SCAPER: variants seen among roughly 807,000 people sequenced by gnomAD.
The protein encoded by SCAPER is S phase cyclin A-associated protein in the endoplasmic reticulum.
Under a neutral mutation model 182.2 loss-of-function variants are expected in SCAPER, and 98 were observed. The observed-to-expected ratio is 0.54, with a 90% CI of 0.46 to 0.64. SCAPER has a LOEUF of 0.64. Ranked by LOEUF, SCAPER falls within the 30% of genes least tolerant of loss-of-function variation. The pLI is 0.00. For synonymous variants in SCAPER, 605 were observed against 564.6 expected (o/e 1.07, Z -1.01); for missense variants, 1,432 against 1,690.0 (o/e 0.85, Z 2.68).
chr15:76,348,601 A>G lies in SCAPER; in HGVS notation c.*32T>C. The stretch of plus-strand genomic sequence containing the variant: ...GTTTGGACAATTTAAAATATTAACA[A>G]GGGTACTCAAATACAGAATCAACCA... On this transcript the variant is annotated 3_prime_UTR_variant, in exon 32 of 32. Transcript: ENST00000563290. 7.5e-7 allele frequency: 1 copy of G among 1,340,288 alleles called. No homozygotes were observed. The highest frequency in any genetic ancestry group is 1.0e-6 in the Non-Finnish European group (1 of 972,468). 83.0% of individuals were successfully genotyped at this position (1,340,288 alleles called of 1,614,324 possible).
At chr15:76,407,969 A>T (rs2957560) in intron 26 of SCAPER, among the ~76,000 whole-genome samples, 15,956 of 152,212 alleles carry the variant, frequency 0.1, 1,016 homozygotes, top group African/African-American at 0.18. Flanking sequence ...TCTAAAAAAA[A>T]TCACTTAAAA....
chr15:76,618,907 C>T (rs960469465), intron 22 of SCAPER, among the ~76,000 whole-genome samples: 5 of 152,282 alleles, frequency 3.3e-5, no homozygotes, highest in Middle Eastern at 3.4e-3. Context: ...TATAGTGGCA[C>T]GATCTCAGCT....
intron 21 of SCAPER, among the ~76,000 whole-genome samples, chr15:76,659,757 GC>G (rs145314130): frequency 0.067 from 10,179 of 152,256 alleles, 378 homozygotes; most frequent in Middle Eastern, 0.1. Context: ...AACAGGGAAT[GC>G]TTATATACTG....
At chr15:76,439,276 G>A (rs756069196) in intron 25 of SCAPER, among the ~76,000 whole-genome samples, 5 of 152,080 alleles carry the variant, frequency 3.3e-5, no homozygotes, top group South Asian at 2.1e-4. Context: ...ATAGGGTTTC[G>A]TCATGTTTGC....
At chr15:76,411,833 C>A (rs2142222883) in intron 26 of SCAPER, among the ~76,000 whole-genome samples, 1 of 152,174 alleles carries the variant, frequency 6.6e-6, no homozygotes, top group South Asian at 2.1e-4. Context: ...TGAAACAGTA[C>A]CTTGGTATGA....
chr15:76,377,641 C>T (rs1398846593), intron 28 of SCAPER, among the ~76,000 whole-genome samples: 3 of 152,194 alleles, frequency 2.0e-5, no homozygotes, highest in Non-Finnish European at 4.4e-5. Flanking sequence ...CTCAAGGCCA[C>T]CCATGCCAAT....
chr15:76,416,740 C>T (rs2045676288), intron 26 of SCAPER, among the ~76,000 whole-genome samples: 3 of 152,048 alleles, frequency 2.0e-5, no homozygotes, highest in Non-Finnish European at 2.9e-5. Context: ...AAAAGAAGAG[C>T]ATACAAAGAT....
At chr15:76,828,780 AT>A (rs1308064544) in intron 5 of SCAPER, among the ~76,000 whole-genome samples, 1 of 152,244 alleles carries the variant, frequency 6.6e-6, no homozygotes, top group African/African-American at 2.4e-5. Context: ...TTAGCCTTCT[AT>A]CCTTGTCCTG....
At chr15:76,572,146 A>T (rs2047474824) in intron 23 of SCAPER, among the ~76,000 whole-genome samples, 1 of 152,170 alleles carries the variant, frequency 6.6e-6, no homozygotes, top group Admixed American at 6.5e-5. Flanking sequence ...AAATAACTTT[A>T]GGTAAATTTT....
intron 8 of SCAPER, among the ~76,000 whole-genome samples, chr15:76,785,673 C>G (rs1254104676): frequency 3.3e-5 from 5 of 152,122 alleles, no homozygotes; most frequent in Non-Finnish European, 7.4e-5. Context: ...GTGGCACATA[C>G]ACACCACGGA....
intron 26 of SCAPER, among the ~76,000 whole-genome samples, chr15:76,425,484 T>A (rs1261543261): frequency 4.6e-5 from 7 of 152,214 alleles, no homozygotes; most frequent in Admixed American, 4.6e-4. Context: ...CTTAAGGACT[T>A]GTCTACATTG....
At chr15:76,535,132 T>C (rs2144622589) in intron 23 of SCAPER, among the ~76,000 whole-genome samples, 1 of 152,230 alleles carries the variant, frequency 6.6e-6, no homozygotes, top group Non-Finnish European at 1.5e-5. Flanking sequence ...TCTATAGAAA[T>C]GAATTTAACA....
intron 27 of SCAPER, among the ~76,000 whole-genome samples, chr15:76,395,983 T>TA (rs1428687754): frequency 3.9e-5 from 6 of 152,182 alleles, no homozygotes; most frequent in Non-Finnish European, 1.5e-5. Flanking sequence ...TTTGAGGTCT[T>TA]AAAGTCTTTA....
At chr15:76,358,502 T>C (rs770717256) in intron 29 of SCAPER, among the ~76,000 whole-genome samples, 19 of 152,242 alleles carry the variant, frequency 1.2e-4, no homozygotes, top group African/African-American at 1.9e-4. Context: ...GGAACCAGCA[T>C]GGTGGGGCTG....
At chr15:76,515,675 A>C (rs1042243048) in intron 23 of SCAPER, among the ~76,000 whole-genome samples, 2 of 152,134 alleles carry the variant, frequency 1.3e-5, no homozygotes, top group African/African-American at 4.8e-5. Flanking sequence ...TGATTTTTCT[A>C]TTTATTTGGT....
intron 27 of SCAPER, among the ~76,000 whole-genome samples, chr15:76,395,428 T>C (rs2043983072): frequency 6.6e-6 from 1 of 152,230 alleles, no homozygotes; most frequent in Admixed American, 6.5e-5. Context: ...TTCCAAACTG[T>C]TCTCCATAGT....
chr15:76,608,813 C>T (rs895534369), intron 22 of SCAPER, among the ~76,000 whole-genome samples: 1 of 152,170 alleles, frequency 6.6e-6, no homozygotes, highest in African/African-American at 2.4e-5. Context: ...TGGGGTAGGA[C>T]CCTCTGAGCC....
intron 22 of SCAPER, among the ~76,000 whole-genome samples, chr15:76,606,602 T>C (rs1480305292): frequency 7.3e-5 from 11 of 151,700 alleles, no homozygotes; most frequent in African/African-American, 2.4e-4. Flanking sequence ...ATCTGTCTAA[T>C]GTTGACAGTG....
chr15:76,644,774 C>A (rs1003879166), intron 21 of SCAPER, among the ~76,000 whole-genome samples: 1 of 152,108 alleles, frequency 6.6e-6, no homozygotes, highest in Non-Finnish European at 1.5e-5. Context: ...AAAGATATCA[C>A]AGCTCCATTA....
Sources: gnomAD v4.1 joint callset for allele counts (sites outside exome capture counted in the v4.1 genomes callset) on GRCh38, gnomAD v4.1.1 for gene constraint, MANE v1.5 for transcripts, NCBI Gene and HGNC (gene_info 2026-07-23, HGNC 2026-07-21) for gene names.